The following STRBP variants were observed in gnomAD, a reference collection of about 807,000 sequenced individuals.
STRBP encodes spermatid perinuclear RNA-binding protein.
In STRBP, 13 loss-of-function variants were observed where a neutral mutation model predicts 80.1. The ratio of observed to expected loss-of-function variants is 0.16; its 90% CI spans 0.11 to 0.26. The LOEUF (loss-of-function observed/expected upper bound fraction) is 0.26. Ranked by LOEUF, STRBP falls within the 10% of genes least tolerant of loss-of-function variation. The pLI is 1.00. For synonymous variants in STRBP, 284 were observed against 291.2 expected (o/e 0.98, Z 0.25); for missense variants, 485 against 815.2 (o/e 0.59, Z 4.93).
intron 2 of STRBP, among the ~76,000 whole-genome samples, chr9:123,233,869 A>T (rs945590501): frequency 1.3e-5 from 2 of 152,196 alleles, no homozygotes; most frequent in Non-Finnish European, 2.9e-5. Context: ...TTCAGTTCAC[A>T]TGCTTCTTTT....
At chr9:123,180,255 C>G (rs1170527254) in intron 3 of STRBP, among the ~76,000 whole-genome samples, 1 of 152,068 alleles carries the variant, frequency 6.6e-6, no homozygotes, top group Non-Finnish European at 1.5e-5. Flanking sequence ...ACCCAGGTCT[C>G]TATTTAAATT....
intron 17 of STRBP, among the ~76,000 whole-genome samples, chr9:123,131,323 C>A (rs901351953): frequency 3.3e-5 from 5 of 152,202 alleles, no homozygotes; most frequent in Admixed American, 2.6e-4. Context: ...AGACCAAAAT[C>A]CAAACAACGG....
intron 1 of STRBP, among the ~76,000 whole-genome samples, chr9:123,264,856 T>C (rs1397291113): frequency 6.6e-6 from 1 of 152,152 alleles, no homozygotes; most frequent in Non-Finnish European, 1.5e-5. Context: ...AAGAAAGTAG[T>C]GCGCACCCCA....
chr9:123,169,897 T>C lies in STRBP; in HGVS notation c.535+5A>G, dbSNP rs904070822. Reference sequence around the variant, plus strand: ...ACATATATATATATATATATACATGTGTACCTCCATCCTTCTTCTCCAATT... The same window carrying C: ...ACATATATATATATATATATACATGCGTACCTCCATCCTTCTTCTCCAATT... On this transcript the variant is annotated splice_donor_5th_base_variant and intron_variant, in intron 6 of 18. Transcript: ENST00000348403. The C allele has an allele frequency of 6.8e-7, 1 of 1,480,164 alleles. No homozygotes were observed. The highest frequency in any genetic ancestry group is 9.0e-7 in the Non-Finnish European group (1 of 1,108,558). The allele number at this position is 1,480,164 out of a possible 1,614,324, so 91.7% of individuals were successfully genotyped here. A position where few individuals can be genotyped will look rare whatever the true frequency, so the allele number is the denominator to read the frequency against.
intron 3 of STRBP, among the ~76,000 whole-genome samples, chr9:123,179,466 T>C (rs2038361871): frequency 6.6e-6 from 1 of 152,090 alleles, no homozygotes; most frequent in Admixed American, 6.6e-5. Context: ...CAGTCACTCT[T>C]GGCATTATTT....
intron 2 of STRBP, among the ~76,000 whole-genome samples, chr9:123,202,210 T>C (rs1193227070): frequency 6.6e-6 from 1 of 152,236 alleles, no homozygotes; most frequent in Non-Finnish European, 1.5e-5. Context: ...TTTAGGCCAC[T>C]GACATTCAAT....
intron 2 of STRBP, among the ~76,000 whole-genome samples, chr9:123,193,826 T>G (rs746616136): frequency 6.6e-6 from 1 of 152,144 alleles, no homozygotes; most frequent in Non-Finnish European, 1.5e-5. Context: ...CTAACCCTGT[T>G]AAATCCAAGC....
At chr9:123,138,213 T>G (rs2036441742) in intron 14 of STRBP, among the ~76,000 whole-genome samples, 1 of 152,246 alleles carries the variant, frequency 6.6e-6, no homozygotes, top group East Asian at 1.9e-4. Context: ...TCTCTCCCTT[T>G]CTAATTACCT....
Position 123,110,093 on chromosome 9 carries a change from G to A in STRBP, c.*85-340C>T, listed in dbSNP as rs2035540060. On this transcript the variant is annotated intron_variant and NMD_transcript_variant, in intron 3 of 3. Transcript: ENST00000471564. This position sits in a 1 kb window ranked among gnomAD's most constrained non-coding sequence, Gnocchi z 4.1. ...CCTCCTCCTGCCTCCCCCACCCTTGGGCCTGACGAAGGGCTAAGGCTGAGC... is the reference window on the plus strand; with the variant it reads ...CCTCCTCCTGCCTCCCCCACCCTTGAGCCTGACGAAGGGCTAAGGCTGAGC... 4 of 152,208 alleles carry A rather than the reference G, an allele frequency of 2.6e-5. No individual in the cohort carries two copies. Among genetic ancestry groups the A allele is most frequent in the Admixed American group, 6.6e-5 (1 of 15,264 alleles). 9.4% of individuals were successfully genotyped at this position (152,208 alleles called of 1,614,324 possible).
At chr9:123,222,663 C>T (rs2040103947) in intron 2 of STRBP, among the ~76,000 whole-genome samples, 1 of 152,180 alleles carries the variant, frequency 6.6e-6, no homozygotes. Context: ...CTTGGAAAGG[C>T]ATACTCTTCC....
Position 123,133,022 on chromosome 9 carries a change from T to G in STRBP, c.1774-54A>C, listed in dbSNP as rs1029548827. On this transcript the variant is annotated intron_variant, in intron 16 of 18. Coordinates refer to ENST00000348403, the MANE Select transcript of STRBP (RefSeq NM_018387.5). Reference sequence around the variant, plus strand: ...AAAGAAATAAGAACCATTTTATTTCTTCTATCATCTCTTCAACGCACAACA... The same window carrying G: ...AAAGAAATAAGAACCATTTTATTTCGTCTATCATCTCTTCAACGCACAACA... 6 of 1,597,228 alleles carry G rather than the reference T, an allele frequency of 3.8e-6. No homozygotes were observed. In the African/African-American group the frequency reaches 8.1e-5, roughly 21 times the overall value.
intron 13 of STRBP, among the ~76,000 whole-genome samples, chr9:123,146,643 T>A (rs1262596214): frequency 6.6e-6 from 1 of 151,232 alleles, no homozygotes; most frequent in African/African-American, 2.4e-5. Context: ...TTTAATTCTT[T>A]ACTTCTTTCC....
At chr9:123,150,440 G>C (rs1458001300) in intron 11 of STRBP, among the ~76,000 whole-genome samples, 2 of 152,126 alleles carry the variant, frequency 1.3e-5, no homozygotes, top group African/African-American at 4.8e-5. Context: ...GGTGCCACAT[G>C]CCTGTAGTCC....
intron 2 of STRBP, among the ~76,000 whole-genome samples, chr9:123,232,737 A>C (rs1229056836): frequency 6.6e-6 from 1 of 152,214 alleles, no homozygotes; most frequent in Admixed American, 6.5e-5. Context: ...AAAAGAACGA[A>C]ATGGGCAGAG....
intron 1 of STRBP, among the ~76,000 whole-genome samples, chr9:123,255,145 C>A (rs2041002898): frequency 6.6e-6 from 1 of 152,148 alleles, no homozygotes. Flanking sequence ...TCTAAAAGAA[C>A]CTTACACTGT....
intron 6 of STRBP, among the ~76,000 whole-genome samples, chr9:123,168,671 G>C (rs1335347051): frequency 6.6e-6 from 1 of 152,180 alleles, no homozygotes; most frequent in African/African-American, 2.4e-5. Flanking sequence ...ATGAAAAATA[G>C]CAACAGGGAG....
Position 123,124,460 on chromosome 9 carries a change from T to TA in STRBP, c.*1136dup, listed in dbSNP as rs1209100428. ...TTTCCACCAGCATCATCAGGTGTCT[T>TA]AAAAAGAAATGCTGACCCATGGCTG... On this transcript the variant is annotated 3_prime_UTR_variant, in exon 19 of 19. Transcript: ENST00000348403. 1.0e-6 allele frequency: 1 copy of TA among 985,302 alleles called. No homozygotes were observed. Among genetic ancestry groups the TA allele is most frequent in the Non-Finnish European group, 1.2e-6 (1 of 829,968 alleles). 61.0% of individuals were successfully genotyped at this position (985,302 alleles called of 1,614,324 possible).
At chr9:123,197,667 CTTTTT>C (rs71388358) in intron 2 of STRBP, among the ~76,000 whole-genome samples, 8 of 87,362 alleles carry the variant, frequency 9.2e-5, no homozygotes, top group African/African-American at 2.8e-4. Context: ...AAACATATTT[CTTTTT>C]TTTTTTTTTT....
intron 13 of STRBP, among the ~76,000 whole-genome samples, chr9:123,140,540 G>A (rs1186072397): frequency 6.6e-6 from 1 of 152,142 alleles, no homozygotes; most frequent in African/African-American, 2.4e-5. Flanking sequence ...GTTGCAGTGA[G>A]CGGAGATTGC....
Sources: allele counts gnomAD v4.1 joint callset (sites outside exome capture counted in the v4.1 genomes callset), GRCh38; gene constraint gnomAD v4.1.1; non-coding constraint Gnocchi (gnomAD v3.1); transcripts MANE v1.5; gene names NCBI Gene and HGNC (gene_info 2026-07-23, HGNC 2026-07-21).